P2RX5: variants seen among roughly 807,000 people sequenced by gnomAD.
P2RX5 encodes the protein purinergic receptor P2X 5.
In P2RX5, 46 loss-of-function variants were observed where a neutral mutation model predicts 54.1. The ratio of observed to expected loss-of-function variants is 0.85; its 90% CI spans 0.67 to 1.09. The LOEUF (loss-of-function observed/expected upper bound fraction) is 1.09, where lower values mean the gene tolerates loss of function less well. P2RX5 is among the 50% of genes least tolerant of loss of function. P2RX5 has a pLI of 0.00. For synonymous variants in P2RX5, 226 were observed against 226.4 expected (o/e 1.00, Z 0.02); for missense variants, 566 against 549.8 (o/e 1.03, Z -0.29).
the P2RX5 span, among the ~76,000 whole-genome samples, chr17:3,709,732 A>G: frequency 6.6e-6 from 1 of 152,024 alleles, no homozygotes; most frequent in East Asian, 1.9e-4. Context: ...AACATGGTGA[A>G]ACCCCGTCTC....
chr17:3,719,353 A>G, the P2RX5 span, among the ~76,000 whole-genome samples: 1 of 152,134 alleles, frequency 6.6e-6, no homozygotes, highest in Non-Finnish European at 1.5e-5. Flanking sequence ...TCCAGGGAGG[A>G]AAACAGAGGA....
At chr17:3,713,653 G>C in the P2RX5 span, among the ~76,000 whole-genome samples, 1 of 151,860 alleles carries the variant, frequency 6.6e-6, no homozygotes, top group Non-Finnish European at 1.5e-5. Context: ...AGGAGGCTGA[G>C]GCAGGAGAAT....
At chr17:3,694,839 ATT>A (rs1274878078) in intron 1 of P2RX5, among the ~76,000 whole-genome samples, 1 of 152,202 alleles carries the variant, frequency 6.6e-6, no homozygotes, top group African/African-American at 2.4e-5. Context: ...AAGCCCAATA[ATT>A]ACACTGTGGG....
chr17:3,688,184 G>T, intron 8 of P2RX5, 79 bp from the exon 9 acceptor site: 1 of 809,570 alleles, frequency 1.2e-6, no homozygotes, highest in Non-Finnish European at 2.1e-6. Context: ...GGCTGCTCTG[G>T]GGACTTAGAA....
At chr17:3,714,822 A>G in the P2RX5 span, 5 of 1,388,846 alleles carry the variant, frequency 3.6e-6, no homozygotes, top group South Asian at 1.2e-5. Context: ...ACTGGCTGAT[A>G]GCCTCTCCCA....
the P2RX5 span, among the ~76,000 whole-genome samples, chr17:3,711,844 G>C: frequency 0.01 from 1,596 of 152,314 alleles, 27 homozygotes; most frequent in African/African-American, 0.036. Context: ...ACAGGTGTAT[G>C]CCACAGACCT....
In P2RX5 at chr17:3,689,647, G is replaced by A. The variant is rs141321279; in HGVS notation, c.615-17C>T. The A allele has an allele frequency of 3.3e-4, 538 of 1,614,040 alleles. 7 individuals carry two copies. The East Asian group carries it at 0.011, about 34-fold the overall frequency. ...ACATTGCTTCTGGGTGGAGGCCATG[G>A]GCAGCCGAGAAATGAAGTAAGACTT... On this transcript the variant is annotated splice_polypyrimidine_tract_variant and intron_variant, in intron 6 of 11. Transcript: ENST00000225328.
chr17:3,723,786 G>A, the P2RX5 span: 5 of 1,600,292 alleles, frequency 3.1e-6, no homozygotes, highest in African/African-American at 1.3e-5. Flanking sequence ...AACAAACCAA[G>A]CCGCCAGTTT....
intron 10 of P2RX5, among the ~76,000 whole-genome samples, chr17:3,680,519 C>T (rs2050234416): frequency 7.8e-6 from 1 of 127,788 alleles, no homozygotes; most frequent in Non-Finnish European, 1.6e-5. Flanking sequence ...GCATCCTCCA[C>T]CCTGCGTCCT....
chr17:3,723,783 C>G, the P2RX5 span: 4 of 1,600,950 alleles, frequency 2.5e-6, no homozygotes, highest in Non-Finnish European at 3.4e-6. Context: ...CTGAACAAAC[C>G]AAGCCGCCAG....
the P2RX5 span, among the ~76,000 whole-genome samples, chr17:3,709,925 A>G: frequency 6.6e-6 from 1 of 151,914 alleles, no homozygotes; most frequent in Non-Finnish European, 1.5e-5. Flanking sequence ...CAAACAAAGA[A>G]AAACAAAACA....
intron 10 of P2RX5, among the ~76,000 whole-genome samples, chr17:3,681,571 G>A (rs1440805073): frequency 6.6e-6 from 1 of 152,224 alleles, no homozygotes; most frequent in Non-Finnish European, 1.5e-5. Flanking sequence ...CAGAAGTGCT[G>A]CAGACACCAC....
chr17:3,691,779 T>C lies in P2RX5; in HGVS notation c.153A>G (p.Ile51Met). 1 of 1,614,128 alleles carries C rather than the reference T, an allele frequency of 6.2e-7. No homozygotes were observed. The highest frequency in any genetic ancestry group is 8.5e-7 in the Non-Finnish European group (1 of 1,180,026). ...TGTCGACGTCTTGGTAACCCTTCTT[T>C]ATCAGGAACACCCATCTGTGGGAAG... The part of the protein sequence containing the change: ...LAYLVVWVFL[I>M]KKGYQDVDTS... Residue 51 changes from isoleucine to methionine, a missense_variant, in exon 2 of 12, where the codon ATA (isoleucine) becomes ATG (methionine). Physicochemically the swap from Ile to Met is conservative, Grantham distance 10. Coordinates refer to ENST00000225328, the MANE Select transcript of P2RX5 (RefSeq NM_002561.4).
chr17:3,673,856 A>T lies in P2RX5; in HGVS notation c.*12T>A. 6.2e-7 allele frequency: 1 copy of T among 1,613,148 alleles called. No homozygotes were observed. The highest frequency in any genetic ancestry group is 8.5e-7 in the Non-Finnish European group (1 of 1,179,964). ...GGGTTTAGGACAGGGCCTGAACGTA[A>T]GCAGAGGCAATTCACGTGCTCCTGG... On this transcript the variant is annotated 3_prime_UTR_variant, in exon 12 of 12. Transcript: ENST00000225328.
At chr17:3,712,338 G>A in the P2RX5 span, among the ~76,000 whole-genome samples, 2 of 152,184 alleles carry the variant, frequency 1.3e-5, no homozygotes, top group African/African-American at 2.4e-5. Context: ...CAACAGCCTA[G>A]TGATGTAACA....
At position 3,680,723 on chromosome 17, in the gene P2RX5, ATCCTCCACCCTGCGTCCTCCACCCAGCG is replaced by A. The variant is rs1567730759; in HGVS notation, c.1065-967_1065-940del. On this transcript the variant is annotated intron_variant, in intron 10 of 11. Transcript: ENST00000225328. ...CTCCACCCTGCATCCTCCACCCTGC[ATCCTCCACCCTGCGTCCTCCACCCAGCG>A]TCCTCCACCCTGCATCCTCCACCCA... Among the ~76,000 whole-genome samples, 111 of 73,248 alleles carry A rather than the reference ATCCTCCACCCTGCGTCCTCCACCCAGCG, an allele frequency of 1.5e-3. 2 individuals are homozygous for A. The highest frequency in any genetic ancestry group is 3.8e-3 in the African/African-American group (68 of 18,022). The allele number at this position is 73,248 out of a possible 152,430, so 48.1% of individuals were successfully genotyped here. A position where few individuals can be genotyped will look rare whatever the true frequency, so the allele number is the denominator to read the frequency against.
At chr17:3,723,055 G>A in the P2RX5 span, among the ~76,000 whole-genome samples, 5 of 152,194 alleles carry the variant, frequency 3.3e-5, no homozygotes, top group Non-Finnish European at 7.3e-5. Flanking sequence ...ATAGACGTGG[G>A]GATGTAGGAA....
the P2RX5 span, chr17:3,723,478 GAATAGAGGGTGTGAGCA>G: frequency 1.1e-5 from 12 of 1,060,632 alleles, no homozygotes; most frequent in Non-Finnish European, 1.8e-5. Context: ...TAAGGTCCCA[GAATAGAGGGTGTGAGCA>G]ATTTCAGCGC....
At chr17:3,705,315 C>T in the P2RX5 span, among the ~76,000 whole-genome samples, 1 of 152,176 alleles carries the variant, frequency 6.6e-6, no homozygotes. Flanking sequence ...GATTCGGATC[C>T]AATGCACAGT....
Sources: gnomAD v4.1 joint callset for allele counts (sites outside exome capture counted in the v4.1 genomes callset) on GRCh38, gnomAD v4.1.1 for gene constraint, MANE v1.5 for transcripts, NCBI Gene and HGNC (gene_info 2026-07-23, HGNC 2026-07-21) for gene names.